DOCK4: variants seen among roughly 807,000 people sequenced by gnomAD.
The protein encoded by DOCK4 is dedicator of cytokinesis 4.
In DOCK4, 97 loss-of-function variants were observed where a neutral mutation model predicts 268.1. The observed-to-expected ratio is 0.36, with a 90% CI of 0.31 to 0.43. The LOEUF (loss-of-function observed/expected upper bound fraction) is 0.43, where lower values mean the gene tolerates loss of function less well. Ranked by LOEUF, DOCK4 falls within the 20% of genes least tolerant of loss-of-function variation. The pLI, the probability that DOCK4 is intolerant of heterozygous loss-of-function variation, is 1.00. For synonymous variants in DOCK4, 954 were observed against 887.2 expected (o/e 1.08, Z -1.34); for missense variants, 2,145 against 2,455.7 (o/e 0.87, Z 2.67).
chr7:112,192,843 A>T (rs1820095781), intron 1 of DOCK4, among the ~76,000 whole-genome samples: 1 of 152,128 alleles, frequency 6.6e-6, no homozygotes, highest in Admixed American at 6.5e-5. Flanking sequence ...CATGTCGTAA[A>T]ATATGCCCTT....
At chr7:112,169,215 CT>C (rs1296128411) in intron 1 of DOCK4, among the ~76,000 whole-genome samples, 1 of 152,196 alleles carries the variant, frequency 6.6e-6, no homozygotes, top group East Asian at 1.9e-4. Flanking sequence ...TGACTGAAAG[CT>C]TCCTGAGGTC....
At chr7:112,050,254 G>A (rs1805224968) in intron 1 of DOCK4, among the ~76,000 whole-genome samples, 1 of 152,094 alleles carries the variant, frequency 6.6e-6, no homozygotes, top group South Asian at 2.1e-4. Flanking sequence ...AACCAGTCTT[G>A]TTTGTATTTA....
At chr7:111,904,100 G>C (rs973806529) in intron 13 of DOCK4, among the ~76,000 whole-genome samples, 3 of 152,222 alleles carry the variant, frequency 2.0e-5, no homozygotes, top group African/African-American at 7.2e-5. Flanking sequence ...GGCAAGAGGT[G>C]ATAAGGGAGG....
intron 23 of DOCK4, among the ~76,000 whole-genome samples, chr7:111,853,327 G>A (rs147067945): frequency 1.2e-3 from 189 of 152,298 alleles, no homozygotes; most frequent in African/African-American, 4.4e-3. Context: ...TGGGCTGGAC[G>A]TGGGCACTGC....
At chr7:111,930,585 G>A (rs889114971) in intron 12 of DOCK4, among the ~76,000 whole-genome samples, 11 of 152,182 alleles carry the variant, frequency 7.2e-5, no homozygotes, top group East Asian at 3.8e-4. Context: ...ACGTTTGACT[G>A]CACTGCTTCC....
intron 25 of DOCK4, 110 bp from the exon 26 acceptor site, chr7:111,834,796 C>T (rs1016312897): frequency 1.3e-5 from 9 of 692,644 alleles, no homozygotes; most frequent in East Asian, 9.4e-5. Flanking sequence ...AATGAAATCA[C>T]GATGATCCAA....
chr7:112,165,171 G>T (rs1314782087), intron 1 of DOCK4, among the ~76,000 whole-genome samples: 1 of 152,074 alleles, frequency 6.6e-6, no homozygotes, highest in African/African-American at 2.4e-5. Flanking sequence ...TGAAGCCAGG[G>T]TATTTAGGGT....
At chr7:112,102,568 T>G (rs567706132) in intron 1 of DOCK4, among the ~76,000 whole-genome samples, 1 of 152,292 alleles carries the variant, frequency 6.6e-6, no homozygotes, top group East Asian at 1.9e-4. Context: ...TGAATGCTCT[T>G]TAAAAACAGA....
intron 1 of DOCK4, among the ~76,000 whole-genome samples, chr7:112,136,977 C>A (rs1814413305): frequency 6.6e-6 from 1 of 152,044 alleles, no homozygotes; most frequent in African/African-American, 2.4e-5. Flanking sequence ...GGTGAAAAGG[C>A]AGAGTGCCTC....
chr7:111,847,338 G>A (rs892079013), intron 23 of DOCK4, among the ~76,000 whole-genome samples: 1 of 152,136 alleles, frequency 6.6e-6, no homozygotes, highest in Non-Finnish European at 1.5e-5. Flanking sequence ...ACACTTTTAG[G>A]TGAAATAGAT....
chr7:111,881,009 G>A (rs1807337762), intron 16 of DOCK4, among the ~76,000 whole-genome samples: 1 of 152,148 alleles, frequency 6.6e-6, no homozygotes, highest in Admixed American at 6.5e-5. Context: ...CTCCAGGACA[G>A]CGGTCTGGGC....
Position 111,866,165 on chromosome 7 carries a change from T to C in DOCK4, c.2280+1819A>G, listed in dbSNP as rs145584996. Among the ~76,000 whole-genome samples the C allele has an allele frequency of 2.3e-3, 343 of 152,328 alleles. 2 individuals are homozygous for C. Among genetic ancestry groups the C allele is most frequent in the African/African-American group, 7.8e-3 (323 of 41,576 alleles). On this transcript the variant is annotated intron_variant, in intron 22 of 52. Coordinates refer to ENST00000428084, the MANE Select transcript of DOCK4 (RefSeq NM_001363540.2). ...ATAGAAAACTAACACATCGGATCCA[T>C]TGAATTAGTGGTACTGCCTCTGCAA...
intron 16 of DOCK4, among the ~76,000 whole-genome samples, chr7:111,879,914 C>T (rs550828722): frequency 7.9e-5 from 12 of 152,068 alleles, no homozygotes; most frequent in Non-Finnish European, 1.2e-4. Context: ...AAAACAATGA[C>T]GCACTTCTAC....
At chr7:111,982,724 G>A (rs1398966824) in intron 7 of DOCK4, among the ~76,000 whole-genome samples, 6 of 152,170 alleles carry the variant, frequency 3.9e-5, no homozygotes, top group Non-Finnish European at 8.8e-5. Context: ...AGCATTGACT[G>A]GGTGCTTACT....
intron 1 of DOCK4, among the ~76,000 whole-genome samples, chr7:112,061,332 C>G (rs188900104): frequency 1.6e-3 from 251 of 152,258 alleles, no homozygotes; most frequent in Admixed American, 2.8e-3. Flanking sequence ...GTGGGTCACA[C>G]GACCAGGTAG....
At chr7:111,930,857 C>G (rs1213959671) in intron 12 of DOCK4, among the ~76,000 whole-genome samples, 1 of 152,310 alleles carries the variant, frequency 6.6e-6, no homozygotes, top group East Asian at 1.9e-4. Context: ...GAACAATGAT[C>G]TACGTAGACT....
intron 1 of DOCK4, among the ~76,000 whole-genome samples, chr7:112,150,447 G>C (rs1815951896): frequency 6.6e-6 from 1 of 152,110 alleles, no homozygotes; most frequent in South Asian, 2.1e-4. Flanking sequence ...CATACTTGGA[G>C]ATAACCTCGT....
chr7:112,182,559 A>C (rs900067291), intron 1 of DOCK4, among the ~76,000 whole-genome samples: 4 of 152,114 alleles, frequency 2.6e-5, no homozygotes, highest in African/African-American at 2.4e-5. Context: ...TACTGTGTGA[A>C]CTTTTAATCA....
chr7:112,158,224 A>G (rs1816794429), intron 1 of DOCK4, among the ~76,000 whole-genome samples: 1 of 152,162 alleles, frequency 6.6e-6, no homozygotes, highest in Non-Finnish European at 1.5e-5. Flanking sequence ...TTTAGGAACC[A>G]TTTACTAGGG....
Sources: gnomAD v4.1 joint callset for allele counts (sites outside exome capture counted in the v4.1 genomes callset) on GRCh38, gnomAD v4.1.1 for gene constraint, MANE v1.5 for transcripts, NCBI Gene and HGNC (gene_info 2026-07-23, HGNC 2026-07-21) for gene names.